TM9SF3: variants seen among roughly 807,000 people sequenced by gnomAD.
The protein encoded by TM9SF3 is transmembrane 9 superfamily member 3.
A neutral mutation model predicts 78.6 loss-of-function variants in TM9SF3; 14 were observed. That is an observed-to-expected ratio of 0.18 (90% CI 0.12 to 0.28). TM9SF3 has a LOEUF of 0.28. TM9SF3 is among the 10% of genes least tolerant of loss of function. The pLI is 1.00. For missense variants in TM9SF3, 496 were observed against 721.9 expected (o/e 0.69, Z 3.59); for synonymous variants, 231 against 241.7 (o/e 0.96, Z 0.41).
intron 9 of TM9SF3, among the ~76,000 whole-genome samples, chr10:96,539,883 G>A (rs370326687): frequency 6.6e-6 from 1 of 151,994 alleles, no homozygotes; most frequent in Admixed American, 6.6e-5. Context: ...AACTAACTAC[G>A]GGAGAGTCTT....
chr10:96,527,923 G>A lies in TM9SF3; in HGVS notation c.1541+108C>T, dbSNP rs180788671. 376 of 1,119,988 alleles carry A rather than the reference G, an allele frequency of 3.4e-4. No individual in the cohort carries two copies. In the African/African-American group the frequency reaches 5.2e-3, roughly 16 times the overall value. The allele number at this position is 1,119,988 out of a possible 1,614,324, so 69.4% of individuals were successfully genotyped here. ...GAAAAAAATCCCTATGCTATTTTAA[G>A]TAACAACATTTCTATACAGCTCTTT... On this transcript the variant is annotated intron_variant, in intron 12 of 14. Coordinates refer to ENST00000371142, the MANE Select transcript of TM9SF3 (RefSeq NM_020123.4).
chr10:96,551,974 C>G (rs1046965920), intron 6 of TM9SF3, among the ~76,000 whole-genome samples: 1 of 152,118 alleles, frequency 6.6e-6, no homozygotes, highest in Non-Finnish European at 1.5e-5. Context: ...TAAGCAAGTG[C>G]TCCTTAAACA....
intron 8 of TM9SF3, among the ~76,000 whole-genome samples, chr10:96,546,548 C>T (rs557030127): frequency 6.6e-6 from 1 of 152,120 alleles, no homozygotes; most frequent in Non-Finnish European, 1.5e-5. Context: ...GTAGAAGTTG[C>T]CTCATGTGTC....
chr10:96,551,250 A>G lies in TM9SF3; in HGVS notation c.954T>C (p.Tyr318=). The change falls in exon 7 of 15, where the codon TAT becomes TAC. Residue 318 remains tyrosine (Y), a synonymous_variant. Transcript: ENST00000371142. ...VIIVAMIEDL[Y]TERGSMLSTA... The stretch of plus-strand genomic sequence containing the variant: ...AGTTAAGTGTAGGCACTTACTCAGT[A>G]TATAAATCTTCTATCATTGCAACAA... The G allele has an allele frequency of 6.2e-7, 1 of 1,610,334 alleles. No individual in the cohort carries two copies. Among genetic ancestry groups the G allele is most frequent in the South Asian group, 1.1e-5 (1 of 90,908 alleles).
At chr10:96,553,089 A>C (rs1589454326) in intron 5 of TM9SF3, 30 bp from the exon 6 acceptor site, 1 of 1,564,830 alleles carries the variant, frequency 6.4e-7, no homozygotes, top group South Asian at 1.2e-5. Flanking sequence ...AATGTTACCA[A>C]CCTGCAATAT....
chr10:96,549,454 G>A (rs189004228), intron 7 of TM9SF3, among the ~76,000 whole-genome samples: 106 of 152,224 alleles, frequency 7.0e-4, no homozygotes, highest in African/African-American at 2.5e-3. Context: ...TACTAGTAAA[G>A]GGTGCTCATT....
At chr10:96,542,149 ATGAAGAGC>A (rs1446002376) in intron 9 of TM9SF3, among the ~76,000 whole-genome samples, 2 of 152,382 alleles carry the variant, frequency 1.3e-5, no homozygotes, top group Non-Finnish European at 1.5e-5. Flanking sequence ...CAAGTACTTA[ATGAAGAGC>A]TGGGTGAAAC....
chr10:96,586,914 C>G lies in TM9SF3; in HGVS notation c.-79G>C. 6.3e-6 allele frequency: 7 copies of G among 1,106,414 alleles called. No homozygotes were observed. Among genetic ancestry groups the G allele is most frequent in the Non-Finnish European group, 7.8e-6 (7 of 897,186 alleles). The allele number at this position is 1,106,414 out of a possible 1,614,324, so 68.5% of individuals were successfully genotyped here. A position where few individuals can be genotyped will look rare whatever the true frequency, so the allele number is the denominator to read the frequency against. ...GCCTCCTCCGCCGCCGCCGCCTCCGCCGCGGCCGATTCGCATCCACGGGGC... is the reference window on the plus strand; with the variant it reads ...GCCTCCTCCGCCGCCGCCGCCTCCGGCGCGGCCGATTCGCATCCACGGGGC... On this transcript the variant is annotated 5_prime_UTR_variant, in exon 1 of 15. Coordinates refer to ENST00000371142, the MANE Select transcript of TM9SF3 (RefSeq NM_020123.4).
intron 5 of TM9SF3, 139 bp from the exon 6 acceptor site, chr10:96,553,198 C>T: frequency 1.1e-6 from 1 of 873,060 alleles, no homozygotes. Context: ...ATCCAAATTT[C>T]AGACACTTTG....
intron 2 of TM9SF3, among the ~76,000 whole-genome samples, chr10:96,572,834 T>C (rs1848452631): frequency 6.6e-6 from 1 of 152,164 alleles, no homozygotes; most frequent in Non-Finnish European, 1.5e-5. Flanking sequence ...TAAAATGGTC[T>C]CAATTTAGCA....
At chr10:96,545,381 C>T (rs1848084582) in intron 8 of TM9SF3, among the ~76,000 whole-genome samples, 1 of 152,192 alleles carries the variant, frequency 6.6e-6, no homozygotes, top group Non-Finnish European at 1.5e-5. Context: ...TCATAACGTT[C>T]CTCCAGAAAA....
At chr10:96,583,688 C>T (rs1564942926) in intron 1 of TM9SF3, among the ~76,000 whole-genome samples, 6 of 150,706 alleles carry the variant, frequency 4.0e-5, no homozygotes, top group Admixed American at 3.3e-4. Flanking sequence ...GGGCATATTA[C>T]TCACCTCGTA....
intron 8 of TM9SF3, among the ~76,000 whole-genome samples, chr10:96,545,442 T>C (rs1223733444): frequency 6.6e-6 from 1 of 152,218 alleles, no homozygotes; most frequent in East Asian, 1.9e-4. Context: ...TCCAGCTAAG[T>C]TTCAAGAACC....
intron 8 of TM9SF3, among the ~76,000 whole-genome samples, chr10:96,546,475 G>A (rs1022889326): frequency 6.6e-6 from 1 of 152,122 alleles, no homozygotes; most frequent in East Asian, 1.9e-4. Flanking sequence ...TTCTGCTGTG[G>A]AGACTATTTT....
rs1273193156 is a variant in TM9SF3, at chr10:96,527,389, A to G, written c.1625+24T>C. On this transcript the variant is annotated intron_variant, in intron 13 of 14. Transcript: ENST00000371142. Reference sequence around the variant, plus strand: ...GGACAAATTTAGTTTCCTAAATAAAAGGTAAAAAAATGTCTCCACTTACTT... The same window carrying G: ...GGACAAATTTAGTTTCCTAAATAAAGGGTAAAAAAATGTCTCCACTTACTT... 5 of 1,598,152 alleles carry G rather than the reference A, an allele frequency of 3.1e-6. No individual in the cohort carries two copies. The Admixed American group carries it at 8.7e-5, about 28-fold the overall frequency.
Position 96,586,871 on chromosome 10 carries a change from ACTCCTCCTCCCGCCGC to A in TM9SF3, c.-52_-37del. On this transcript the variant is annotated 5_prime_UTR_variant, in exon 1 of 15. An upstream open reading frame in the 5' UTR loses its in-frame stop. Transcript: ENST00000371142. ...CCTCCGGCCCGGAGCCGGCTCACCG[ACTCCTCCTCCCGCCGC>A]CGCCTCCTCCGCCGCCGCCGCCTCC... is the stretch of plus-strand genomic sequence containing the variant. 1 of 1,178,662 alleles carries A rather than the reference ACTCCTCCTCCCGCCGC, an allele frequency of 8.5e-7. No homozygotes were observed. The highest frequency in any genetic ancestry group is 1.0e-6 in the Non-Finnish European group (1 of 958,236). The allele number at this position is 1,178,662 out of a possible 1,614,324, so 73.0% of individuals were successfully genotyped here.
chr10:96,533,285 A>AT, intron 9 of TM9SF3, 95 bp from the exon 10 acceptor site: 1 of 1,429,558 alleles, frequency 7.0e-7, no homozygotes, highest in Non-Finnish European at 9.4e-7. Flanking sequence ...TTTGACCACA[A>AT]AAGAAAATGT....
chr10:96,558,645 C>CAA (rs1202672629), intron 5 of TM9SF3, among the ~76,000 whole-genome samples: 15 of 88,170 alleles, frequency 1.7e-4, no homozygotes, highest in East Asian at 9.4e-4. Flanking sequence ...GGCTCTGTCT[C>CAA]AAAAAAAAAA....
chr10:96,530,020 G>C (rs1847879143), intron 11 of TM9SF3, among the ~76,000 whole-genome samples: 1 of 152,146 alleles, frequency 6.6e-6, no homozygotes, highest in African/African-American at 2.4e-5. Flanking sequence ...GGTGACAAAG[G>C]ATGCAGATGT....
Sources: allele counts gnomAD v4.1 joint callset (sites outside exome capture counted in the v4.1 genomes callset), GRCh38; gene constraint gnomAD v4.1.1; transcripts MANE v1.5; gene names NCBI Gene and HGNC (gene_info 2026-07-23, HGNC 2026-07-21).